The following TLL1 variants were observed in gnomAD, a reference collection of about 807,000 sequenced individuals.
TLL1 encodes tolloid-like protein 1.
TLL1 carries 49 observed loss-of-function variants against 128.2 expected under a neutral mutation model. That is an observed-to-expected ratio of 0.38 (90% CI 0.30 to 0.48). The LOEUF (loss-of-function observed/expected upper bound fraction) is 0.48. Among genes scored for constraint, TLL1 ranks in the 20% least tolerant of loss-of-function variants. The pLI is 0.96. For synonymous variants in TLL1, 454 were observed against 418.8 expected (o/e 1.08, Z -1.03); for missense variants, 1,123 against 1,242.0 (o/e 0.90, Z 1.44).
chr4:166,073,719 G>C (rs1474830209), intron 16 of TLL1, among the ~76,000 whole-genome samples: 1 of 152,052 alleles, frequency 6.6e-6, no homozygotes, highest in Non-Finnish European at 1.5e-5. Flanking sequence ...CAAAATAGAT[G>C]TACCTTTAAA....
chr4:165,894,676 G>A (rs894767214), intron 1 of TLL1, among the ~76,000 whole-genome samples: 5 of 152,056 alleles, frequency 3.3e-5, no homozygotes, highest in Admixed American at 6.6e-5. Flanking sequence ...GCAGACATTC[G>A]TATTTTTTCC....
At chr4:166,045,002 A>G (rs1739400574) in intron 12 of TLL1, among the ~76,000 whole-genome samples, 1 of 152,142 alleles carries the variant, frequency 6.6e-6, no homozygotes, top group Non-Finnish European at 1.5e-5. Flanking sequence ...CATAAGGACA[A>G]ATGGAAAAGA....
intron 7 of TLL1, among the ~76,000 whole-genome samples, chr4:166,010,661 G>A (rs959844973): frequency 5.3e-5 from 8 of 150,920 alleles, no homozygotes; most frequent in African/African-American, 1.9e-4. Flanking sequence ...ATGTCATCCT[G>A]TTTGTCTATT....
intron 1 of TLL1, among the ~76,000 whole-genome samples, chr4:165,937,294 A>C (rs1477097674): frequency 6.6e-6 from 1 of 152,192 alleles, no homozygotes; most frequent in Admixed American, 6.5e-5. Flanking sequence ...ATTTTGGATG[A>C]CTGGGTTTTT....
chr4:165,897,903 C>T (rs1731760190), intron 1 of TLL1, among the ~76,000 whole-genome samples: 2 of 151,844 alleles, frequency 1.3e-5, no homozygotes, highest in Non-Finnish European at 2.9e-5. Flanking sequence ...CTTTTATTTC[C>T]TTGAGAAGTG....
At chr4:166,059,645 G>T (rs550237553) in intron 14 of TLL1, among the ~76,000 whole-genome samples, 5 of 151,106 alleles carry the variant, frequency 3.3e-5, no homozygotes, top group Non-Finnish European at 7.4e-5. Flanking sequence ...TCTCAATTCC[G>T]ACAAAAAAAA....
intron 12 of TLL1, among the ~76,000 whole-genome samples, chr4:166,053,466 T>C (rs544801517): frequency 1.3e-5 from 2 of 152,284 alleles, no homozygotes; most frequent in East Asian, 3.9e-4. Context: ...TTCTGAATGA[T>C]GCATACCAAG....
At chr4:166,085,781 T>A (rs1460803118) in intron 18 of TLL1, among the ~76,000 whole-genome samples, 1 of 152,120 alleles carries the variant, frequency 6.6e-6, no homozygotes, top group Non-Finnish European at 1.5e-5. Context: ...GGTATAAGGA[T>A]AGCACAAGAT....
intron 1 of TLL1, among the ~76,000 whole-genome samples, chr4:165,904,065 AT>A (rs1009562787): frequency 2.2e-4 from 34 of 151,478 alleles, no homozygotes; most frequent in South Asian, 6.3e-4. Flanking sequence ...TTATTTTGTA[AT>A]TTTTTTTTAT....
intron 2 of TLL1, among the ~76,000 whole-genome samples, chr4:165,991,047 A>T (rs1057394435): frequency 3.3e-5 from 5 of 152,048 alleles, no homozygotes; most frequent in Non-Finnish European, 5.9e-5. Flanking sequence ...TAGAGTTATT[A>T]TAAGTTGCAT....
At chr4:166,062,730 C>G (rs1740382125) in intron 15 of TLL1, among the ~76,000 whole-genome samples, 3 of 152,100 alleles carry the variant, frequency 2.0e-5, no homozygotes, top group Non-Finnish European at 4.4e-5. Context: ...TGCCTGATTG[C>G]CCTGGCCAGA....
At chr4:165,887,211 A>C (rs1475973425) in intron 1 of TLL1, among the ~76,000 whole-genome samples, 1 of 152,134 alleles carries the variant, frequency 6.6e-6, no homozygotes, top group Non-Finnish European at 1.5e-5. Flanking sequence ...TGTTATAAAG[A>C]TATGTTAGGA....
chr4:166,040,340 T>C (rs946252566), intron 10 of TLL1, among the ~76,000 whole-genome samples: 2 of 152,170 alleles, frequency 1.3e-5, no homozygotes, highest in African/African-American at 2.4e-5. Context: ...GTAAGTCAGG[T>C]TGAGGAAAAC....
chr4:166,091,345 A>C lies in TLL1; in HGVS notation c.2656+4A>C, dbSNP rs779060324. Reference sequence around the variant, plus strand: ...TTTCAAGCTACACATTCTACAGGTCAGCAAATTCAAGTCATGCTTCTCTTT... The same window carrying C: ...TTTCAAGCTACACATTCTACAGGTCCGCAAATTCAAGTCATGCTTCTCTTT... On this transcript the variant is annotated splice_donor_region_variant and intron_variant, in intron 19 of 20. Transcript: ENST00000061240. 1 of 1,611,288 alleles carries C rather than the reference A, an allele frequency of 6.2e-7. No individual in the cohort carries two copies. The highest frequency in any genetic ancestry group is 1.1e-5 in the South Asian group (1 of 90,802).
Position 165,995,378 on chromosome 4 carries a change from A to G in TLL1, c.632+200A>G, listed in dbSNP as rs1054945528. ...TCCTCTGTGCATCTACTGCAAGTGT[A>G]TTCTTTTCTACCACCTCAGTTACTT... On this transcript the variant is annotated intron_variant, in intron 5 of 20. Coordinates refer to ENST00000061240, the MANE Select transcript of TLL1 (RefSeq NM_012464.5). Among the ~76,000 whole-genome samples the G allele has an allele frequency of 7.2e-5, 11 of 152,158 alleles. No homozygotes were observed. In the South Asian group the frequency reaches 2.3e-3, roughly 32 times the overall value.
At chr4:166,023,112 A>G (rs1033662438) in intron 8 of TLL1, among the ~76,000 whole-genome samples, 1 of 152,182 alleles carries the variant, frequency 6.6e-6, no homozygotes, top group Non-Finnish European at 1.5e-5. Flanking sequence ...TAAACATGTC[A>G]TCTTGGCCAG....
At chr4:166,013,394 G>T (rs940132986) in intron 7 of TLL1, among the ~76,000 whole-genome samples, 2 of 151,854 alleles carry the variant, frequency 1.3e-5, no homozygotes, top group African/African-American at 4.8e-5. Context: ...GCTAAGTAGA[G>T]CTGAAAATGC....
At position 166,041,997 on chromosome 4, in the gene TLL1, A is replaced by G. The variant is rs538990355; in HGVS notation, c.1262-30A>G. 39 of 1,440,430 alleles carry G rather than the reference A, an allele frequency of 2.7e-5. No homozygotes were observed. In the South Asian group the frequency reaches 4.1e-4, roughly 15 times the overall value. The allele number at this position is 1,440,430 out of a possible 1,614,324, so 89.2% of individuals were successfully genotyped here. A position where few individuals can be genotyped will look rare whatever the true frequency, so the allele number is the denominator to read the frequency against. On this transcript the variant is annotated intron_variant, in intron 10 of 20. Coordinates refer to ENST00000061240, the MANE Select transcript of TLL1 (RefSeq NM_012464.5). ...CGTAGAATATAGAGTCCTATTTAGGAGTTTCTCTTTATTCTTTTATTTCTT... is the reference window on the plus strand; with the variant it reads ...CGTAGAATATAGAGTCCTATTTAGGGGTTTCTCTTTATTCTTTTATTTCTT...
At chr4:166,032,488 G>T (rs1275026044) in intron 9 of TLL1, among the ~76,000 whole-genome samples, 1 of 152,212 alleles carries the variant, frequency 6.6e-6, no homozygotes, top group East Asian at 1.9e-4. Flanking sequence ...AAAGTCTTCT[G>T]TATCAATGGA....
Sources: allele counts gnomAD v4.1 joint callset (sites outside exome capture counted in the v4.1 genomes callset), GRCh38; gene constraint gnomAD v4.1.1; transcripts MANE v1.5; gene names NCBI Gene and HGNC (gene_info 2026-07-23, HGNC 2026-07-21).